Variants in CFAP299 observed in about 807,000 individuals in gnomAD.
The protein encoded by CFAP299 is cilia- and flagella-associated protein 299.
A neutral mutation model predicts 27.0 loss-of-function variants in CFAP299; 21 were observed. That is an observed-to-expected ratio of 0.78 (90% CI 0.55 to 1.12). CFAP299 has a LOEUF of 1.12. Among genes scored for constraint, CFAP299 ranks in the 50% most tolerant of loss-of-function variants. The probability of loss-of-function intolerance (pLI) is 0.00; values close to 1 mark genes in which losing one functional copy is unlikely to be tolerated. For synonymous variants in CFAP299, 104 were observed against 98.1 expected (o/e 1.06, Z -0.36); for missense variants, 310 against 276.6 (o/e 1.12, Z -0.86).
chr4:80,378,753 A>G (rs193236048), intron 2 of CFAP299, among the ~76,000 whole-genome samples: 206 of 152,240 alleles, frequency 1.4e-3, no homozygotes, highest in Non-Finnish European at 2.2e-3. Flanking sequence ...ACCAACTTGC[A>G]TTCATGGGAG....
chr4:80,439,932 C>T (rs1244159038), intron 2 of CFAP299, among the ~76,000 whole-genome samples: 1 of 152,172 alleles, frequency 6.6e-6, no homozygotes, highest in Non-Finnish European at 1.5e-5. Flanking sequence ...AACAAAGCTG[C>T]CAGGAAGTTC....
chr4:80,921,851 T>C (rs758296495), intron 4 of CFAP299, among the ~76,000 whole-genome samples: 25 of 151,898 alleles, frequency 1.6e-4, no homozygotes, highest in Non-Finnish European at 3.5e-4. Flanking sequence ...GAAATATTTA[T>C]GGAGGGAATC....
chr4:80,860,366 G>T (rs1415872296), intron 3 of CFAP299, among the ~76,000 whole-genome samples: 1 of 152,018 alleles, frequency 6.6e-6, no homozygotes, highest in East Asian at 1.9e-4. Flanking sequence ...ATTTCCTCCT[G>T]TAGCTCGTAG....
intron 3 of CFAP299, among the ~76,000 whole-genome samples, chr4:80,766,126 C>G (rs1560740461): frequency 6.6e-6 from 1 of 152,066 alleles, no homozygotes; most frequent in Non-Finnish European, 1.5e-5. Context: ...CTAGACACAT[C>G]TTAGTGAAAA....
chr4:80,422,285 G>T (rs1247584999), intron 2 of CFAP299, among the ~76,000 whole-genome samples: 1 of 152,010 alleles, frequency 6.6e-6, no homozygotes, highest in Non-Finnish European at 1.5e-5. Context: ...TAACAAACCA[G>T]ATGGGAAGCA....
intron 5 of CFAP299, among the ~76,000 whole-genome samples, chr4:80,956,974 G>T (rs1229361777): frequency 6.6e-6 from 1 of 151,948 alleles, no homozygotes; most frequent in Admixed American, 6.6e-5. Flanking sequence ...TTCTCTTTCT[G>T]ATAGCTTTCA....
intron 2 of CFAP299, among the ~76,000 whole-genome samples, chr4:80,542,805 C>G (rs908034817): frequency 6.6e-6 from 1 of 152,090 alleles, no homozygotes; most frequent in Non-Finnish European, 1.5e-5. Flanking sequence ...AGCCTCCTGC[C>G]AGAATGTTTG....
chr4:80,757,111 TTAG>T, intron 3 of CFAP299, among the ~76,000 whole-genome samples: 1 of 152,264 alleles, frequency 6.6e-6, no homozygotes. Context: ...AAGCTTCATA[TTAG>T]TTAGTACTAT....
At chr4:80,767,499 C>T (rs376802925) in intron 3 of CFAP299, among the ~76,000 whole-genome samples, 80 of 152,262 alleles carry the variant, frequency 5.3e-4, no homozygotes, top group African/African-American at 1.7e-3. Flanking sequence ...GTCCCAGCTA[C>T]TGAGGAGGCT....
chr4:80,353,054 A>G (rs1723090322), intron 1 of CFAP299, among the ~76,000 whole-genome samples: 1 of 152,206 alleles, frequency 6.6e-6, no homozygotes, highest in African/African-American at 2.4e-5. Context: ...CAGAAGGAAT[A>G]ACAAAGAGCA....
At chr4:80,484,380 A>G (rs1194913435) in intron 2 of CFAP299, among the ~76,000 whole-genome samples, 1 of 152,120 alleles carries the variant, frequency 6.6e-6, no homozygotes, top group African/African-American at 2.4e-5. Flanking sequence ...GGCGGTTAGC[A>G]ATTTAGAAGT....
At chr4:80,959,086 T>C (rs1456251603) in intron 5 of CFAP299, among the ~76,000 whole-genome samples, 1 of 152,126 alleles carries the variant, frequency 6.6e-6, no homozygotes, top group African/African-American at 2.4e-5. Context: ...CTTTTTGTGG[T>C]ATGCAAAACA....
chr4:80,768,699 A>G (rs1023033906), intron 3 of CFAP299, among the ~76,000 whole-genome samples: 3 of 152,168 alleles, frequency 2.0e-5, no homozygotes, highest in Admixed American at 1.3e-4. Flanking sequence ...ATTATATAGA[A>G]TTCCCTTTTG....
intron 3 of CFAP299, among the ~76,000 whole-genome samples, chr4:80,672,195 T>A (rs1190441750): frequency 6.6e-6 from 1 of 152,196 alleles, no homozygotes; most frequent in Non-Finnish European, 1.5e-5. Context: ...CCTAGTTTAT[T>A]AAGAGTTTTT....
rs772330505 is a variant in CFAP299 at position 80,403,438 on chromosome 4, CT to C, written c.242+40562del. On this transcript the variant is annotated intron_variant, in intron 2 of 5. Transcript: ENST00000358105. ...TCTGCTGTTTTGAATCTTGTTCATC[CT>C]TTTTTTTCCAATACAAACTGTTAGC... is the stretch of plus-strand genomic sequence containing the variant. 2.6e-5 allele frequency among the ~76,000 whole-genome samples: 4 copies of C among 152,150 alleles called. No individual in the cohort carries two copies. In the South Asian group the frequency reaches 6.2e-4, roughly 24 times the overall value.
Position 80,870,108 on chromosome 4 carries a change from G to T in CFAP299, c.449G>T (p.Arg150Ile). Reference sequence around the variant, plus strand: ...GAAGTCTACTTTACTGGAAAAAAAAGACTTCTTCCAAGGCCTACAGATATA... The same window carrying T: ...GAAGTCTACTTTACTGGAAAAAAAATACTTCTTCCAAGGCCTACAGATATA... ...DFEVYFTGKK[R>I]LLPRPTDISF... Residue 150 changes from arginine (R) to isoleucine (I), a missense_variant, in exon 4 of 6, where the codon AGA becomes ATA. Arg to Ile is a moderately conservative substitution (Grantham distance 97). Transcript: ENST00000358105. The T allele has an allele frequency of 6.2e-7, 1 of 1,612,884 alleles. No homozygotes were observed. Among genetic ancestry groups the T allele is most frequent in the Non-Finnish European group, 8.5e-7 (1 of 1,179,506 alleles).
intron 1 of CFAP299, among the ~76,000 whole-genome samples, chr4:80,349,155 CA>C (rs1446594584): frequency 6.6e-6 from 1 of 152,174 alleles, no homozygotes; most frequent in Non-Finnish European, 1.5e-5. Flanking sequence ...CACCTTTAGT[CA>C]CAGAGCTAAC....
chr4:80,333,369 A>T (rs1444812936), upstream of CFAP299, among the ~76,000 whole-genome samples: 20 of 152,318 alleles, frequency 1.3e-4, no homozygotes, highest in East Asian at 3.7e-3. Context: ...GCTAGGCAAC[A>T]CCAGACACAA....
At chr4:80,562,588 G>T (rs1329047367) in intron 2 of CFAP299, among the ~76,000 whole-genome samples, 1 of 151,204 alleles carries the variant, frequency 6.6e-6, no homozygotes, top group Non-Finnish European at 1.5e-5. Flanking sequence ...AACCTGGGAG[G>T]TGGAGATTGC....
Sources: allele counts gnomAD v4.1 joint callset (sites outside exome capture counted in the v4.1 genomes callset), GRCh38; gene constraint gnomAD v4.1.1; transcripts MANE v1.5; gene names NCBI Gene and HGNC (gene_info 2026-07-23, HGNC 2026-07-21).